Variants in CCDC175 observed in about 807,000 individuals in gnomAD.
CCDC175 encodes the protein coiled-coil domain containing 175.
CCDC175 carries 100 observed loss-of-function variants against 114.6 expected under a neutral mutation model. The observed-to-expected ratio is 0.87, with a 90% CI of 0.74 to 1.03. The LOEUF is 1.03. Among genes scored for constraint, CCDC175 ranks in the 50% least tolerant of loss-of-function variants. The probability of loss-of-function intolerance (pLI) is 0.00; values close to 1 mark genes in which losing one functional copy is unlikely to be tolerated. For missense variants in CCDC175, 880 were observed against 917.8 expected (o/e 0.96, Z 0.53); for synonymous variants, 306 against 308.7 (o/e 0.99, Z 0.09).
At chr14:59,515,493 CA>C (rs987631919) in intron 17 of CCDC175, among the ~76,000 whole-genome samples, 4 of 151,568 alleles carry the variant, frequency 2.6e-5, no homozygotes, top group African/African-American at 9.7e-5. Context: ...AAATGGAAAA[CA>C]AAAAAAGGCA....
At chr14:59,571,540 T>C (rs12881264) in intron 3 of CCDC175, among the ~76,000 whole-genome samples, 17,402 of 152,114 alleles carry the variant, frequency 0.11, 1,323 homozygotes, top group South Asian at 0.24. Context: ...ACTGGGGAAA[T>C]GCAAATCAAA....
chr14:59,513,057 C>G (rs1158942240), intron 17 of CCDC175, among the ~76,000 whole-genome samples: 4 of 152,170 alleles, frequency 2.6e-5, no homozygotes, highest in Middle Eastern at 3.4e-3. Context: ...TGAAAAGTTG[C>G]TAGGGTAATA....
chr14:59,576,590 T>A, intron 1 of CCDC175, 29 bp downstream of exon 1: 1 of 1,400,008 alleles, frequency 7.1e-7, no homozygotes, highest in Non-Finnish European at 9.2e-7. Flanking sequence ...TGAGGAGACG[T>A]CCCTTCCAGC....
chr14:59,520,854 G>A (rs1893391904), intron 17 of CCDC175, among the ~76,000 whole-genome samples: 1 of 152,138 alleles, frequency 6.6e-6, no homozygotes, highest in East Asian at 1.9e-4. Flanking sequence ...CGACGGCAAA[G>A]GGATACAGAG....
At chr14:59,575,840 T>C (rs1267452913) in intron 1 of CCDC175, among the ~76,000 whole-genome samples, 2 of 148,738 alleles carry the variant, frequency 1.3e-5, no homozygotes, top group African/African-American at 2.5e-5. Flanking sequence ...TACCCAAGCA[T>C]ATTTGCTAAG....
chr14:59,576,493 A>C (rs1897127518), intron 1 of CCDC175, 126 bp downstream of exon 1: 2 of 884,102 alleles, frequency 2.3e-6, no homozygotes, highest in African/African-American at 1.8e-5. Context: ...AGCGGGGAGA[A>C]GGCTCTGCCC....
At chr14:59,559,945 A>G (rs909362401) in intron 7 of CCDC175, among the ~76,000 whole-genome samples, 7 of 152,138 alleles carry the variant, frequency 4.6e-5, no homozygotes, top group Admixed American at 2.0e-4. Context: ...AATTTCATCA[A>G]CGTAGTGAGG....
chr14:59,576,143 C>T (rs547757116), intron 1 of CCDC175, among the ~76,000 whole-genome samples: 2 of 152,220 alleles, frequency 1.3e-5, no homozygotes, highest in Non-Finnish European at 2.9e-5. Flanking sequence ...ATCTCCTAAA[C>T]AACCCTTTAC....
At chr14:59,544,337 T>G (rs1445992901) in intron 9 of CCDC175, among the ~76,000 whole-genome samples, 1 of 152,142 alleles carries the variant, frequency 6.6e-6, no homozygotes, top group Non-Finnish European at 1.5e-5. Flanking sequence ...CAGCTAATTT[T>G]TTGTATTTTT....
intron 2 of CCDC175, 56 bp downstream of exon 2, chr14:59,574,887 A>T (rs1897021667): frequency 1.1e-6 from 1 of 943,580 alleles, no homozygotes; most frequent in Non-Finnish European, 1.6e-6. Context: ...GCGAAATGAA[A>T]GTTTGAAGAA....
At chr14:59,524,035 G>A (rs35442532) in intron 16 of CCDC175, among the ~76,000 whole-genome samples, 69,825 of 151,840 alleles carry the variant, frequency 0.46, 18,487 homozygotes, top group East Asian at 0.82. Flanking sequence ...CCTGTGAGTA[G>A]CAGTTATTCC....
chr14:59,523,079 T>A (rs955727835), intron 16 of CCDC175, among the ~76,000 whole-genome samples: 1 of 152,200 alleles, frequency 6.6e-6, no homozygotes, highest in African/African-American at 2.4e-5. Flanking sequence ...AGGACTTTCA[T>A]AATCAGTCTT....
chr14:59,568,573 C>A (rs1374705083), intron 3 of CCDC175, among the ~76,000 whole-genome samples, 193 bp from the exon 4 acceptor site: 1 of 152,132 alleles, frequency 6.6e-6, no homozygotes, highest in Non-Finnish European at 1.5e-5. Context: ...CTCTGGTAAC[C>A]AGCTTTCTGT....
At chr14:59,513,265 C>T (rs1299165876) in intron 17 of CCDC175, among the ~76,000 whole-genome samples, 1 of 152,176 alleles carries the variant, frequency 6.6e-6, no homozygotes, top group Non-Finnish European at 1.5e-5. Context: ...GTGATTTCTG[C>T]ATTTCCAACT....
At chr14:59,521,819 C>T (rs1331274048) in intron 16 of CCDC175, 143 bp from the exon 17 acceptor site, 3 of 542,672 alleles carry the variant, frequency 5.5e-6, no homozygotes, top group African/African-American at 1.9e-5. Context: ...GGGAATAAAA[C>T]ATACCTTGGT....
chr14:59,558,708 T>A (rs1896061275), intron 7 of CCDC175, among the ~76,000 whole-genome samples: 1 of 152,134 alleles, frequency 6.6e-6, no homozygotes, highest in Non-Finnish European at 1.5e-5. Context: ...ATAAGACAGA[T>A]ATATAATAGA....
intron 17 of CCDC175, among the ~76,000 whole-genome samples, chr14:59,515,778 A>G (rs978671743): frequency 0.012 from 1,830 of 152,140 alleles, 29 homozygotes; most frequent in African/African-American, 0.042. Context: ...AGTTAGCAAG[A>G]ATATCCAGGA....
At chr14:59,536,654 T>A (rs1010492233) in intron 13 of CCDC175, among the ~76,000 whole-genome samples, 7 of 152,076 alleles carry the variant, frequency 4.6e-5, no homozygotes, top group Non-Finnish European at 8.8e-5. Flanking sequence ...TTTCACCTCT[T>A]CCTATTTTCT....
At chr14:59,534,788 C>T (rs1894297165) in intron 13 of CCDC175, among the ~76,000 whole-genome samples, 1 of 152,134 alleles carries the variant, frequency 6.6e-6, no homozygotes, top group Admixed American at 6.5e-5. Flanking sequence ...GAAAAGTCAG[C>T]CACAGCACTG....
Sources: allele counts gnomAD v4.1 joint callset (sites outside exome capture counted in the v4.1 genomes callset), GRCh38; gene constraint gnomAD v4.1.1; transcripts MANE v1.5; gene names NCBI Gene and HGNC (gene_info 2026-07-23, HGNC 2026-07-21).